SPAG6: variants seen among roughly 807,000 people sequenced by gnomAD.
SPAG6 encodes sperm associated antigen 6.
SPAG6 carries 49 observed loss-of-function variants against 58.5 expected under a neutral mutation model. That is an observed-to-expected ratio of 0.84 (90% CI 0.67 to 1.06). The LOEUF is 1.06. SPAG6 is among the 50% of genes least tolerant of loss of function. SPAG6 has a pLI of 0.00. For missense variants in SPAG6, 560 were observed against 611.3 expected (o/e 0.92, Z 0.89); for synonymous variants, 233 against 225.6 (o/e 1.03, Z -0.29).
In SPAG6 at chr10:22,416,763, T is replaced by C. The variant is rs2130659337; in HGVS notation, c.*75T>C. 2 of 803,154 alleles carry C rather than the reference T, an allele frequency of 2.5e-6. No individual in the cohort carries two copies. Among genetic ancestry groups the C allele is most frequent in the Non-Finnish European group, 4.3e-6 (2 of 460,242 alleles). 49.8% of individuals were successfully genotyped at this position (803,154 alleles called of 1,614,324 possible). The stretch of plus-strand genomic sequence containing the variant: ...ACAGTAATTAAATCCTTCTAAATAT[T>C]TGAACTAAGTATATTCTAGATTTAT... On this transcript the variant is annotated 3_prime_UTR_variant, in exon 11 of 11. Transcript: ENST00000376624.
rs191295380 is a variant in SPAG6 at position 22,393,484 on chromosome 10, A to T, written c.1197+1564A>T. ...TATTATGATATTATGTTGTATACAT[A>T]TCACTGGAGAAAAATAAATTTGAAA... On this transcript the variant is annotated intron_variant, in intron 8 of 10. Transcript: ENST00000376624. 7.9e-5 allele frequency among the ~76,000 whole-genome samples: 12 copies of T among 152,312 alleles called. No homozygotes were observed. The East Asian group carries it at 2.3e-3, about 29-fold the overall frequency.
At chr10:22,396,819 C>T (rs1459315366) in intron 8 of SPAG6, among the ~76,000 whole-genome samples, 1 of 152,124 alleles carries the variant, frequency 6.6e-6, no homozygotes, top group African/African-American at 2.4e-5. Context: ...ACTGTAGATG[C>T]TATGCTAGTT....
At chr10:22,393,347 A>G (rs116639962) in intron 8 of SPAG6, among the ~76,000 whole-genome samples, 1,554 of 152,278 alleles carry the variant, frequency 0.01, 26 homozygotes, top group African/African-American at 0.034. Context: ...TAAATCATTA[A>G]TAGTGGACTC....
At chr10:22,346,055 C>T (rs1426878100) in intron 2 of SPAG6, 27 of 1,533,488 alleles carry the variant, frequency 1.8e-5, no homozygotes, top group Non-Finnish European at 2.4e-5. Flanking sequence ...AGGCAAGTGT[C>T]AGGTTGAAAG....
At chr10:22,346,959 C>G (rs1011957113) in intron 2 of SPAG6, among the ~76,000 whole-genome samples, 5 of 152,194 alleles carry the variant, frequency 3.3e-5, no homozygotes, top group Non-Finnish European at 5.9e-5. Flanking sequence ...TTTTTCAAAA[C>G]TGTAGTGCAA....
At chr10:22,399,066 C>T (rs1478691053) in intron 8 of SPAG6, among the ~76,000 whole-genome samples, 9 of 152,064 alleles carry the variant, frequency 5.9e-5, no homozygotes, top group Admixed American at 5.9e-4. Flanking sequence ...TGATCCATCT[C>T]CCTTGGCCTC....
intron 4 of SPAG6, among the ~76,000 whole-genome samples, chr10:22,376,580 TACAA>T (rs1284876568): frequency 6.6e-6 from 1 of 152,212 alleles, no homozygotes. Context: ...CATACGTGTA[TACAA>T]ACATACATGT....
intron 8 of SPAG6, among the ~76,000 whole-genome samples, chr10:22,394,204 C>T (rs867760961): frequency 3.4e-4 from 52 of 152,172 alleles, no homozygotes; most frequent in Middle Eastern, 3.4e-3. Flanking sequence ...TTACTATTTG[C>T]TCCCATGTTA....
chr10:22,394,715 A>T (rs1834253236), intron 8 of SPAG6, among the ~76,000 whole-genome samples: 1 of 152,126 alleles, frequency 6.6e-6, no homozygotes, highest in African/African-American at 2.4e-5. Context: ...CATACAACAT[A>T]TATAACCTTT....
At position 22,407,815 on chromosome 10, in the gene SPAG6, T is replaced by A. The variant is rs1224310437; in HGVS notation, c.1315-3216T>A. 2.6e-5 allele frequency among the ~76,000 whole-genome samples: 4 copies of A among 152,086 alleles called. No homozygotes were observed. In the East Asian group the frequency reaches 7.7e-4, roughly 29 times the overall value. Reference sequence around the variant, plus strand: ...TTGGTCTTTTCACATAGTCCCATATTTCTTGGAGGCTTTGCTCATTTCTTT... The same window carrying A: ...TTGGTCTTTTCACATAGTCCCATATATCTTGGAGGCTTTGCTCATTTCTTT... On this transcript the variant is annotated intron_variant, in intron 9 of 10. Coordinates refer to ENST00000376624, the MANE Select transcript of SPAG6 (RefSeq NM_012443.4).
chr10:22,379,093 T>G (rs1833891460), intron 4 of SPAG6, among the ~76,000 whole-genome samples: 1 of 152,136 alleles, frequency 6.6e-6, no homozygotes, highest in South Asian at 2.1e-4. Flanking sequence ...AAAATGACAT[T>G]TGTGTGTGTG....
intron 9 of SPAG6, among the ~76,000 whole-genome samples, chr10:22,408,812 AGCCATGTGT>A (rs1401401074): frequency 6.6e-6 from 1 of 152,160 alleles, no homozygotes; most frequent in African/African-American, 2.4e-5. Context: ...GGACCCTCCG[AGCCATGTGT>A]GGGATATAAT....
At chr10:22,367,446 C>T (rs1837229745) in intron 3 of SPAG6, among the ~76,000 whole-genome samples, 1 of 152,044 alleles carries the variant, frequency 6.6e-6, no homozygotes. Context: ...TTAAGATGTA[C>T]TTGATGTGTT....
At chr10:22,400,360 G>A (rs936480869) in intron 8 of SPAG6, among the ~76,000 whole-genome samples, 8 of 152,052 alleles carry the variant, frequency 5.3e-5, no homozygotes, top group Non-Finnish European at 1.5e-5. Flanking sequence ...CAAACTGAAG[G>A]GGACAGCCTT....
intron 8 of SPAG6, among the ~76,000 whole-genome samples, chr10:22,393,052 A>G (rs1369048086): frequency 6.6e-6 from 1 of 152,130 alleles, no homozygotes; most frequent in Non-Finnish European, 1.5e-5. Flanking sequence ...AAGATTAACA[A>G]TGTAAGGTCT....
intron 2 of SPAG6, among the ~76,000 whole-genome samples, chr10:22,363,710 A>T (rs1837109066): frequency 6.6e-6 from 1 of 152,206 alleles, no homozygotes; most frequent in African/African-American, 2.4e-5. Context: ...TCAAGTGTTT[A>T]GGTGTTATTG....
intron 5 of SPAG6, 123 bp from the exon 6 acceptor site, chr10:22,387,700 A>G (rs1834100044): frequency 2.3e-6 from 2 of 860,684 alleles, no homozygotes; most frequent in Non-Finnish European, 3.3e-6. Context: ...CTGTTTAGGC[A>G]TGTACATTTT....
intron 4 of SPAG6, among the ~76,000 whole-genome samples, chr10:22,386,218 G>A (rs1006372468): frequency 3.3e-5 from 5 of 151,998 alleles, no homozygotes; most frequent in Non-Finnish European, 7.4e-5. Context: ...CAATGAAAAG[G>A]CAGCTTTCTA....
intron 9 of SPAG6, among the ~76,000 whole-genome samples, chr10:22,407,214 T>TA (rs1194182520): frequency 2.6e-5 from 4 of 151,708 alleles, no homozygotes; most frequent in Non-Finnish European, 4.4e-5. Flanking sequence ...CGTTAGTTGA[T>TA]GCAGTTTCTT....
Sources: gnomAD v4.1 joint callset for allele counts (sites outside exome capture counted in the v4.1 genomes callset) on GRCh38, gnomAD v4.1.1 for gene constraint, MANE v1.5 for transcripts, NCBI Gene and HGNC (gene_info 2026-07-23, HGNC 2026-07-21) for gene names.